The following BEAN1 variants were observed in gnomAD, a reference collection of about 807,000 sequenced individuals.
The protein encoded by BEAN1 is protein BEAN1.
A neutral mutation model predicts 17.7 loss-of-function variants in BEAN1; 17 were observed. That is an observed-to-expected ratio of 0.96 (90% CI 0.66 to 1.44). The LOEUF is 1.44. Among genes scored for constraint, BEAN1 ranks in the 40% most tolerant of loss-of-function variants. The pLI is 0.00. For synonymous variants in BEAN1, 142 were observed against 151.8 expected (o/e 0.94, Z 0.47); for missense variants, 359 against 374.1 (o/e 0.96, Z 0.33).
At chr16:66,431,701 T>C (rs1285784672) in intron 1 of BEAN1, among the ~76,000 whole-genome samples, 2 of 152,168 alleles carry the variant, frequency 1.3e-5, no homozygotes, top group African/African-American at 4.8e-5. Context: ...TAACAGGGTT[T>C]TCCCCCCCTT....
chr16:66,473,093 A>C lies in BEAN1; in HGVS notation c.289+3228A>C, dbSNP rs1032498865. Among the ~76,000 whole-genome samples, 2 of 152,150 alleles carry C rather than the reference A, an allele frequency of 1.3e-5. No individual in the cohort carries two copies. Among genetic ancestry groups the C allele is most frequent in the Non-Finnish European group, 2.9e-5 (2 of 68,014 alleles). ...CAACTTGTTCAATGACTTATCTTGG[A>C]GTGCACGCTAGGCGCCCACAGTAGT... On this transcript the variant is annotated intron_variant, in intron 3 of 4. Transcript: ENST00000536005. The surrounding 1 kb of genome is among the most constrained non-coding windows in gnomAD (Gnocchi z 4.5).
rs1004333572 is a variant in BEAN1 at position 66,480,744 on chromosome 16, C to A, written c.599C>A (p.Pro200Gln). 1 of 1,551,578 alleles carries A rather than the reference C, an allele frequency of 6.4e-7. No homozygotes were observed. The highest frequency in any genetic ancestry group is 2.4e-5 in the East Asian group (1 of 40,924). The change falls in exon 5 of 5, where the codon CCG (proline) becomes CAG (glutamine). Residue 200 changes from proline (P) to glutamine (Q), a missense_variant. Physicochemically the swap from Pro to Gln is moderately conservative, Grantham distance 76 (BLOSUM62 -1). Coordinates refer to ENST00000536005, the MANE Select transcript of BEAN1 (RefSeq NM_001178020.3). ...PGRHQQEQRTPAQGGLHTVSM... is the reference protein window; with the variant it reads ...PGRHQQEQRTQAQGGLHTVSM... ...CGACACCAGCAGGAGCAGAGGACCC[C>A]GGCCCAAGGTGGCCTTCACACGGTC...
At chr16:66,463,059 G>A (rs1273931477) in intron 2 of BEAN1, among the ~76,000 whole-genome samples, 1 of 152,190 alleles carries the variant, frequency 6.6e-6, no homozygotes, top group African/African-American at 2.4e-5. Flanking sequence ...AGAGGCAGCT[G>A]TGCACCATGT....
chr16:66,463,813 G>T (rs908413716), intron 2 of BEAN1, among the ~76,000 whole-genome samples: 5 of 152,174 alleles, frequency 3.3e-5, no homozygotes, highest in Non-Finnish European at 5.9e-5. Flanking sequence ...TGTATATTAT[G>T]TAGGGAATCC....
chr16:66,436,938 G>A (rs1420807794), intron 1 of BEAN1, among the ~76,000 whole-genome samples: 2 of 152,018 alleles, frequency 1.3e-5, no homozygotes, highest in Non-Finnish European at 2.9e-5. Flanking sequence ...CTAAAGAATT[G>A]TGCTGGCTGA....
intron 2 of BEAN1, among the ~76,000 whole-genome samples, chr16:66,441,746 A>G (rs1399689457): frequency 1.3e-5 from 2 of 152,170 alleles, no homozygotes; most frequent in Non-Finnish European, 2.9e-5. Flanking sequence ...GCACCAGCCC[A>G]CCTGTAACCC....
At chr16:66,485,165 C>G (rs1278277590), downstream of BEAN1, 17 of 450,722 alleles carry the variant, frequency 3.8e-5, no homozygotes. Context: ...GTCACACTGG[C>G]CAAGCCCACA....
intron 1 of BEAN1, among the ~76,000 whole-genome samples, chr16:66,435,499 G>A (rs748793111): frequency 6.6e-6 from 1 of 152,102 alleles, no homozygotes; most frequent in Non-Finnish European, 1.5e-5. Context: ...GTTTGTTTTT[G>A]TTTTTTGAGA....
intron 2 of BEAN1, chr16:66,451,393 T>A (rs1380627887): frequency 6.6e-6 from 1 of 152,222 alleles, no homozygotes; most frequent in Non-Finnish European, 1.5e-5. Flanking sequence ...GTGCAGGCCC[T>A]CAGCCCTCCA....
intron 1 of BEAN1, among the ~76,000 whole-genome samples, chr16:66,435,476 T>A (rs964146575): frequency 6.6e-6 from 1 of 152,158 alleles, no homozygotes; most frequent in Non-Finnish European, 1.5e-5. Context: ...CAAAGTGCAC[T>A]GAGAAATAAC....
intron 3 of BEAN1, among the ~76,000 whole-genome samples, chr16:66,474,750 AAAGAAAGAAAG>A (rs1963667606): frequency 1.3e-5 from 2 of 152,100 alleles, no homozygotes; most frequent in Non-Finnish European, 2.9e-5. Context: ...AAAGAGAAAG[AAAGAAAGAAAG>A]AAGAAAGAAA....
chr16:66,490,405 A>C (rs546929892), intron 4 of BEAN1, among the ~76,000 whole-genome samples: 14 of 106,524 alleles, frequency 1.3e-4, no homozygotes, highest in South Asian at 5.0e-4. Flanking sequence ...TCAATAAAAT[A>C]AAATAAAATA....
chr16:66,474,250 A>G (rs1399586699), intron 3 of BEAN1, among the ~76,000 whole-genome samples: 1 of 152,116 alleles, frequency 6.6e-6, no homozygotes, highest in Non-Finnish European at 1.5e-5. Flanking sequence ...GGGTAAATAC[A>G]TGCTCAATAA....
rs1963969668 is a variant in BEAN1, at chr16:66,481,028, AAC to A, written c.*111_*112del. 9.5e-7 allele frequency: 1 copy of A among 1,048,836 alleles called. No individual in the cohort carries two copies. Among genetic ancestry groups the A allele is most frequent in the Non-Finnish European group, 1.3e-6 (1 of 751,592 alleles). 65.0% of individuals were successfully genotyped at this position (1,048,836 alleles called of 1,614,324 possible). A position where few individuals can be genotyped will look rare whatever the true frequency, so the allele number is the denominator to read the frequency against. ...ACACAGAGATGCACACGTGACTCAT[AAC>A]ACACACATAGACCAAACTTGTATAC... On this transcript the variant is annotated 3_prime_UTR_variant, in exon 5 of 5. Transcript: ENST00000536005. The surrounding 1 kb of genome is among the most constrained non-coding windows in gnomAD (Gnocchi z 4.1).
At chr16:66,494,017 T>G (rs534882769), downstream of BEAN1, among the ~76,000 whole-genome samples, 18 of 152,206 alleles carry the variant, frequency 1.2e-4, no homozygotes, top group African/African-American at 4.1e-4. Context: ...CCTGCATGGA[T>G]GAGAGCACCC....
chr16:66,477,996 A>C (rs551612691), intron 4 of BEAN1: 45 of 283,470 alleles, frequency 1.6e-4, no homozygotes, highest in African/African-American at 7.9e-4. Context: ...GTTTCAGGGG[A>C]GGTTCCGTGG....
chr16:66,493,443 G>GC (rs564938855), exon 5 of BEAN1: 12 of 610,262 alleles, frequency 2.0e-5, no homozygotes, highest in Non-Finnish European at 3.2e-5. Flanking sequence ...GTCCTCTAGG[G>GC]CCCCCAGTGC....
In BEAN1 at chr16:66,427,671, G is replaced by A. The variant is rs944105393; in HGVS notation, c.-83+240G>A. 1 of 152,102 alleles carries A rather than the reference G, an allele frequency of 6.6e-6. No individual in the cohort carries two copies. Among genetic ancestry groups the A allele is most frequent in the Non-Finnish European group, 1.5e-5 (1 of 68,024 alleles). The allele number at this position is 152,102 out of a possible 1,614,324, so 9.4% of individuals were successfully genotyped here. A position where few individuals can be genotyped will look rare whatever the true frequency, so the allele number is the denominator to read the frequency against. On this transcript the variant is annotated intron_variant, in intron 1 of 4. Transcript: ENST00000536005. This position sits in a 1 kb window ranked among gnomAD's most constrained non-coding sequence, Gnocchi z 4.7. ...CCGGGCTGGCCACTGGGATCTGCGCGAGCCGAGGCTGACCCTGATCGCGCC... is the reference window on the plus strand; with the variant it reads ...CCGGGCTGGCCACTGGGATCTGCGCAAGCCGAGGCTGACCCTGATCGCGCC...
intron 1 of BEAN1, among the ~76,000 whole-genome samples, chr16:66,430,900 A>G (rs1310198220): frequency 6.6e-6 from 1 of 152,242 alleles, no homozygotes; most frequent in Non-Finnish European, 1.5e-5. Context: ...TTTTACAAAC[A>G]TATGGTCTAT....
Sources: allele counts gnomAD v4.1 joint callset (sites outside exome capture counted in the v4.1 genomes callset), GRCh38; gene constraint gnomAD v4.1.1; non-coding constraint Gnocchi (gnomAD v3.1); transcripts MANE v1.5; gene names NCBI Gene and HGNC (gene_info 2026-07-23, HGNC 2026-07-21).